The following PKP4 variants were observed in gnomAD, a reference collection of about 807,000 sequenced individuals.
The protein encoded by PKP4 is plakophilin 4.
A neutral mutation model predicts 145.1 loss-of-function variants in PKP4; 90 were observed. That is an observed-to-expected ratio of 0.62 (90% confidence interval 0.52 to 0.74). The LOEUF (loss-of-function observed/expected upper bound fraction) is 0.74, where lower values mean the gene tolerates loss of function less well. Among genes scored for constraint, PKP4 ranks in the 30% least tolerant of loss-of-function variants. The pLI is 0.00. For synonymous variants in PKP4, 563 were observed against 577.2 expected, an observed-to-expected ratio of 0.98 and a Z score of 0.35; for missense variants, 1,340 against 1,482.7, an observed-to-expected ratio of 0.90 and a Z score of 1.58.
chr2:158,573,151 G>C (rs552919457), intron 2 of PKP4, among the ~76,000 whole-genome samples: 56 of 152,326 alleles, frequency 3.7e-4, no homozygotes, highest in African/African-American at 1.2e-3. Context: ...TGTGATAGCC[G>C]TGCAATGGAA....
At chr2:158,675,357 A>G (rs184388428) in intron 19 of PKP4, among the ~76,000 whole-genome samples, 130 of 151,130 alleles carry the variant, frequency 8.6e-4, no homozygotes, top group East Asian at 8.2e-3. Flanking sequence ...TGTTAATGTT[A>G]GTGTATTTTA....
chr2:158,603,751 A>C (rs991498535), intron 4 of PKP4, among the ~76,000 whole-genome samples: 1 of 152,216 alleles, frequency 6.6e-6, no homozygotes, highest in Admixed American at 6.5e-5. Context: ...CATAACACAC[A>C]CTTGTCCCTG....
intron 2 of PKP4, among the ~76,000 whole-genome samples, chr2:158,544,988 C>T (rs907010209): frequency 3.3e-5 from 5 of 151,074 alleles, no homozygotes; most frequent in Non-Finnish European, 7.4e-5. Context: ...TCTGAATGTA[C>T]AGTGCCATTG....
intron 17 of PKP4, 25 bp downstream of exon 17, chr2:158,669,940 A>G (rs1345821976): frequency 1.3e-6 from 2 of 1,576,622 alleles, no homozygotes; most frequent in African/African-American, 2.7e-5. Context: ...AGGAGGTGCA[A>G]GCAGTGCTCT....
intron 1 of PKP4, among the ~76,000 whole-genome samples, chr2:158,532,334 G>C (rs2043637218): frequency 6.6e-6 from 1 of 152,102 alleles, no homozygotes; most frequent in South Asian, 2.1e-4. Flanking sequence ...ACTGGAATGA[G>C]ACTGAAAATA....
chr2:158,680,998 AT>A lies in PKP4; in HGVS notation c.*328del, dbSNP rs911168527. On this transcript the variant is annotated 3_prime_UTR_variant, in exon 22 of 22. Transcript: ENST00000389759. ...TGTAGGTCAAATCAAATTAAAGATG[AT>A]TTTTTTAATGTGAATAAAGTTATGT... 18 of 231,786 alleles carry A rather than the reference AT, an allele frequency of 7.8e-5. No individual in the cohort carries two copies. The highest frequency in any genetic ancestry group is 1.3e-4 in the Non-Finnish European group (16 of 118,722). The allele number at this position is 231,786 out of a possible 1,614,324, so 14.4% of individuals were successfully genotyped here.
chr2:158,665,331 G>T (rs2056984861), intron 15 of PKP4, among the ~76,000 whole-genome samples: 1 of 152,138 alleles, frequency 6.6e-6, no homozygotes, highest in Admixed American at 6.5e-5. Context: ...TCCCCCCATA[G>T]ATTTCATGTG....
intron 4 of PKP4, 67 bp from the exon 5 acceptor site, chr2:158,620,923 G>A (rs2052165203): frequency 3.6e-6 from 5 of 1,406,850 alleles, no homozygotes; most frequent in Middle Eastern, 1.8e-4. Flanking sequence ...ACAAACATCT[G>A]AACCTTTTTT....
chr2:158,500,375 AC>A (rs1435833560), intron 1 of PKP4, among the ~76,000 whole-genome samples: 2 of 152,258 alleles, frequency 1.3e-5, no homozygotes, highest in Admixed American at 1.3e-4. Context: ...ACTCACAAAT[AC>A]ATTTTTGTTC....
intron 2 of PKP4, among the ~76,000 whole-genome samples, chr2:158,570,299 TA>T (rs1392913212): frequency 1.3e-5 from 2 of 152,200 alleles, no homozygotes; most frequent in Non-Finnish European, 2.9e-5. Flanking sequence ...TATTTGTTTG[TA>T]AAATAGTTTC....
chr2:158,481,155 C>T (rs1003372692), intron 1 of PKP4, among the ~76,000 whole-genome samples: 2 of 152,226 alleles, frequency 1.3e-5, no homozygotes, highest in South Asian at 2.1e-4. Context: ...AACTCCTGAG[C>T]TCAAGCAATC....
At chr2:158,587,233 T>C (rs2048876203) in intron 3 of PKP4, among the ~76,000 whole-genome samples, 1 of 152,172 alleles carries the variant, frequency 6.6e-6, no homozygotes, top group African/African-American at 2.4e-5. Context: ...CTAATACTTT[T>C]AAAAATTCAG....
Position 158,621,286 on chromosome 2 carries a change from A to T in PKP4, c.468A>T (p.Gly156=), listed in dbSNP as rs1226944149. The change falls in exon 6 of 22, where the codon GGA becomes GGT. Residue 156 remains glycine, a synonymous_variant. Coordinates refer to ENST00000389759, the MANE Select transcript of PKP4 (RefSeq NM_003628.6). ...AAATGAATTCTTATTCCGACAGTGG[A>T]TACCAGGAAGCAGGGAGTTTCCACA... is the stretch of plus-strand genomic sequence containing the variant. ...STQMNSYSDS[G]YQEAGSFHNS... is the part of the protein sequence containing the mutation. 1 of 1,614,228 alleles carries T rather than the reference A, an allele frequency of 6.2e-7. No individual in the cohort carries two copies. The highest frequency in any genetic ancestry group is 8.5e-7 in the Non-Finnish European group (1 of 1,180,026).
At chr2:158,471,241 C>G (rs929858892) in intron 1 of PKP4, among the ~76,000 whole-genome samples, 5 of 152,122 alleles carry the variant, frequency 3.3e-5, no homozygotes, top group African/African-American at 1.2e-4. Flanking sequence ...TAAAAGAAAT[C>G]AGGGAGTAAG....
At chr2:158,601,296 G>A (rs546240000) in intron 3 of PKP4, among the ~76,000 whole-genome samples, 2 of 152,052 alleles carry the variant, frequency 1.3e-5, no homozygotes, top group Non-Finnish European at 2.9e-5. Context: ...TAATATTCCC[G>A]AGAAACTTGA....
chr2:158,552,763 C>T (rs923413752), intron 2 of PKP4, among the ~76,000 whole-genome samples: 1 of 152,134 alleles, frequency 6.6e-6, no homozygotes, highest in Non-Finnish European at 1.5e-5. Flanking sequence ...TTACACTATA[C>T]TGTAGTCTAT....
chr2:158,468,855 G>A (rs1691095675), intron 1 of PKP4, among the ~76,000 whole-genome samples: 1 of 140,254 alleles, frequency 7.1e-6, no homozygotes, highest in Non-Finnish European at 1.5e-5. Context: ...ACTCACTGCA[G>A]CCTCAAATTC....
At chr2:158,459,340 T>C (rs993319606) in intron 1 of PKP4, among the ~76,000 whole-genome samples, 1 of 152,218 alleles carries the variant, frequency 6.6e-6, no homozygotes, top group African/African-American at 2.4e-5. Context: ...ACCTGGTTAT[T>C]TTATGTCAGA....
intron 4 of PKP4, among the ~76,000 whole-genome samples, chr2:158,603,636 C>T (rs1345273621): frequency 6.6e-6 from 1 of 152,098 alleles, no homozygotes; most frequent in African/African-American, 2.4e-5. Flanking sequence ...CTGTCACTTA[C>T]ATAAATCGTT....
Sources: allele counts gnomAD v4.1 joint callset (sites outside exome capture counted in the v4.1 genomes callset), GRCh38; gene constraint gnomAD v4.1.1; transcripts MANE v1.5; gene names NCBI Gene and HGNC (gene_info 2026-07-23, HGNC 2026-07-21).